The following LIMS2 variants were observed in gnomAD, a reference collection of about 807,000 sequenced individuals.
LIMS2 encodes the protein LIM and senescent cell antigen-like-containing domain protein 2.
LIMS2 carries 30 observed loss-of-function variants against 45.3 expected under a neutral mutation model. The observed-to-expected ratio is 0.66, with a 90% confidence interval of 0.50 to 0.90. LIMS2 has a LOEUF of 0.90. Ranked by LOEUF, LIMS2 falls within the 40% of genes least tolerant of loss-of-function variation. The pLI, the probability that LIMS2 is intolerant of heterozygous loss-of-function variation, is 0.00. For missense variants in LIMS2, 485 were observed against 468.7 expected (o/e 1.03, Z -0.32); for synonymous variants, 173 against 188.0 (o/e 0.92, Z 0.65).
At chr2:127,660,378 G>C (rs1311566372) in intron 1 of LIMS2, among the ~76,000 whole-genome samples, 1 of 152,190 alleles carries the variant, frequency 6.6e-6, no homozygotes, top group East Asian at 1.9e-4. Context: ...AGCTTTTGCT[G>C]CTGCACGTTC....
Position 127,664,941 on chromosome 2 carries a change from A to G in LIMS2, c.12-7379T>C, listed in dbSNP as rs1041128224. Among the ~76,000 whole-genome samples the G allele has an allele frequency of 1.3e-5, 2 of 152,216 alleles. No individual in the cohort carries two copies. Among genetic ancestry groups the G allele is most frequent in the Non-Finnish European group, 2.9e-5 (2 of 68,032 alleles). On this transcript the variant is annotated intron_variant, in intron 1 of 9. Transcript: ENST00000355119. This position sits in a 1 kb window ranked among gnomAD's most constrained non-coding sequence, Gnocchi z 5.5. ...AACATCACCGTGGGGCACCCAGACC[A>G]GGGCAGAGCCGATCCTCTGGATCTG...
chr2:127,653,908 C>G lies in LIMS2; in HGVS notation c.359+516G>C, dbSNP rs1479023230. 2.0e-5 allele frequency among the ~76,000 whole-genome samples: 3 copies of G among 152,030 alleles called. No individual in the cohort carries two copies. The East Asian group carries it at 5.8e-4, about 29-fold the overall frequency. ...AGAAAGTGTGGGGATGAACAGGGCT[C>G]ACAGACAGAGGCCGGGCTGCACGGG... On this transcript the variant is annotated intron_variant, in intron 4 of 9. Coordinates refer to ENST00000355119, the MANE Select transcript of LIMS2 (RefSeq NM_001161403.3). The surrounding 1 kb of genome is among the most constrained non-coding windows in gnomAD (Gnocchi z 5.3).
In LIMS2 at chr2:127,651,393, C is replaced by T. The variant is rs200232871; in HGVS notation, c.359+3031G>A. ...CTACCTGCTGATCATCCGCAGCCTGCGGCAGGGCCTGCGTGTGGAGAAGCG... is the reference window on the plus strand; with the variant it reads ...CTACCTGCTGATCATCCGCAGCCTGTGGCAGGGCCTGCGTGTGGAGAAGCG... On this transcript the variant is annotated intron_variant, in intron 4 of 9. Transcript: ENST00000355119. The T allele has an allele frequency of 6.8e-6, 11 of 1,612,558 alleles. No homozygotes were observed. The highest frequency in any genetic ancestry group is 4.5e-5 in the East Asian group (2 of 44,902).
chr2:127,656,179 G>T (rs1684237172), intron 2 of LIMS2: 4 of 152,212 alleles, frequency 2.6e-5, no homozygotes, highest in Non-Finnish European at 5.9e-5. Context: ...GTATCCCATT[G>T]TACGCTGATA....
intron 1 of LIMS2, among the ~76,000 whole-genome samples, chr2:127,670,836 C>A (rs185042750): frequency 2.0e-5 from 3 of 152,346 alleles, no homozygotes; most frequent in Admixed American, 2.0e-4. Context: ...CCAGCTCCCC[C>A]ACCAGACTCC....
chr2:127,676,339 A>G (rs536983394), upstream of LIMS2, among the ~76,000 whole-genome samples: 5 of 152,172 alleles, frequency 3.3e-5, no homozygotes, highest in Admixed American at 2.0e-4. Context: ...TTCCACCTGC[A>G]GAAATAAGCT....
intron 1 of LIMS2, among the ~76,000 whole-genome samples, chr2:127,663,542 C>T (rs1684812626): frequency 1.3e-5 from 2 of 152,198 alleles, no homozygotes; most frequent in South Asian, 2.1e-4. Context: ...CTATGCTTGC[C>T]CTGGGTGGCA....
intron 1 of LIMS2, among the ~76,000 whole-genome samples, chr2:127,658,815 C>A (rs889205771): frequency 6.6e-6 from 1 of 152,162 alleles, no homozygotes; most frequent in African/African-American, 2.4e-5. Flanking sequence ...CAGCTGGTAA[C>A]GTCTGCCTGG....
At chr2:127,652,087 G>A (rs562242720) in intron 4 of LIMS2, 4 of 342,452 alleles carry the variant, frequency 1.2e-5, no homozygotes, top group Non-Finnish European at 1.7e-5. Context: ...CCTCCTTCCC[G>A]CTACAGAATC....
chr2:127,650,170 A>AG, intron 4 of LIMS2: 3 of 1,190,206 alleles, frequency 2.5e-6, no homozygotes, highest in Non-Finnish European at 3.6e-6. Context: ...AGCCATGGTC[A>AG]GGGGAAGCAG....
intron 4 of LIMS2, chr2:127,643,948 G>C (rs1326148989): frequency 2.4e-6 from 1 of 422,036 alleles, no homozygotes; most frequent in Non-Finnish European, 4.8e-6. Context: ...CCTCTGACAG[G>C]CTGGTCAGGG....
At position 127,653,227 on chromosome 2, in the gene LIMS2, T is replaced by C. The variant is rs1371752255; in HGVS notation, c.359+1197A>G. Among the ~76,000 whole-genome samples the C allele has an allele frequency of 6.6e-6, 1 of 151,708 alleles. No homozygotes were observed. The highest frequency in any genetic ancestry group is 1.5e-5 in the Non-Finnish European group (1 of 67,870). On this transcript the variant is annotated intron_variant, in intron 4 of 9. Transcript: ENST00000355119. This position sits in a 1 kb window ranked among gnomAD's most constrained non-coding sequence, Gnocchi z 5.3. ...TGTCGGGGAAGCATCTCGGAGGAGC[T>C]GCGGGAGGGAGCAGAGTGCCCGGAC...
rs571771938 is a variant in LIMS2 at position 127,642,809 on chromosome 2, C to T, written c.509+114G>A. 3.8e-4 allele frequency: 464 copies of T among 1,237,030 alleles called. 3 individuals are homozygous for T. In the African/African-American group the frequency reaches 5.9e-3, roughly 16 times the overall value. 76.6% of individuals were successfully genotyped at this position (1,237,030 alleles called of 1,614,324 possible). Reference sequence around the variant, plus strand: ...CTCTCGGGACCCCTCTGTCTGCCCACCCTGCTCCCCTCTCCCTCCTCAACA... The same window carrying T: ...CTCTCGGGACCCCTCTGTCTGCCCATCCTGCTCCCCTCTCCCTCCTCAACA... On this transcript the variant is annotated intron_variant, in intron 5 of 9. Coordinates refer to ENST00000355119, the MANE Select transcript of LIMS2 (RefSeq NM_001161403.3). The surrounding 1 kb of genome is among the most constrained non-coding windows in gnomAD (Gnocchi z 5.3).
intron 7 of LIMS2, 91 bp from the exon 8 acceptor site, chr2:127,640,409 C>T (rs1295227453): frequency 1.1e-5 from 15 of 1,369,704 alleles, no homozygotes; most frequent in Non-Finnish European, 1.5e-5. Flanking sequence ...CCAACACGGC[C>T]CCTCTCAGGC....
chr2:127,639,151 A>G lies in LIMS2; in HGVS notation c.*130T>C. The G allele has an allele frequency of 1.1e-6, 1 of 940,410 alleles. No homozygotes were observed. Among genetic ancestry groups the G allele is most frequent in the African/African-American group, 1.6e-5 (1 of 60,778 alleles). The allele number at this position is 940,410 out of a possible 1,614,324, so 58.3% of individuals were successfully genotyped here. On this transcript the variant is annotated 3_prime_UTR_variant, in exon 10 of 10. Coordinates refer to ENST00000355119, the MANE Select transcript of LIMS2 (RefSeq NM_001161403.3). The stretch of plus-strand genomic sequence containing the variant: ...CAGAGATGAGGGAACAGGAAGGGAG[A>G]AGGCAATGAGGAAAGAGAAAGGGAG...
intron 9 of LIMS2, 51 bp downstream of exon 9, chr2:127,640,019 T>G (rs781068741): frequency 7.0e-6 from 11 of 1,576,882 alleles, no homozygotes; most frequent in Non-Finnish European, 9.6e-6. Flanking sequence ...AGGAAGGACC[T>G]GCAGGAGCCC....
In LIMS2 at chr2:127,672,329, C is replaced by G. The variant is rs939677951; in HGVS notation, c.11+2685G>C. Among the ~76,000 whole-genome samples, 2 of 152,140 alleles carry G rather than the reference C, an allele frequency of 1.3e-5. No individual in the cohort carries two copies. The highest frequency in any genetic ancestry group is 2.9e-5 in the Non-Finnish European group (2 of 68,018). On this transcript the variant is annotated intron_variant, in intron 1 of 9. Coordinates refer to ENST00000355119, the MANE Select transcript of LIMS2 (RefSeq NM_001161403.3). The surrounding 1 kb of genome is among the most constrained non-coding windows in gnomAD (Gnocchi z 4.9). ...TCCCTGAGTTGCTGCTGAGGCCGAG[C>G]CCCCTCTCTTCCCACGGCGTGCCAC...
rs1685261123 is a variant in LIMS2 at position 127,671,327 on chromosome 2, G to A, written c.11+3687C>T. ...ATGCACCTGTAGTCCCAGCTACTTG[G>A]GAGGCTGAGGCAAGAGAATTGCTTG... On this transcript the variant is annotated intron_variant, in intron 1 of 9. Coordinates refer to ENST00000355119, the MANE Select transcript of LIMS2 (RefSeq NM_001161403.3). The surrounding 1 kb of genome is among the most constrained non-coding windows in gnomAD (Gnocchi z 4.1). Among the ~76,000 whole-genome samples the A allele has an allele frequency of 6.6e-6, 1 of 152,070 alleles. No homozygotes were observed. Among genetic ancestry groups the A allele is most frequent in the Non-Finnish European group, 1.5e-5 (1 of 68,020 alleles).
intron 2 of LIMS2, chr2:127,655,724 C>T (rs1242157709): frequency 6.6e-6 from 1 of 152,336 alleles, no homozygotes; most frequent in Non-Finnish European, 1.5e-5. Context: ...TGCCTCTACA[C>T]TTAGACAGCA....
Sources: allele counts gnomAD v4.1 joint callset (sites outside exome capture counted in the v4.1 genomes callset), GRCh38; gene constraint gnomAD v4.1.1; non-coding constraint Gnocchi (gnomAD v3.1); transcripts MANE v1.5; gene names NCBI Gene and HGNC (gene_info 2026-07-23, HGNC 2026-07-21).